CLIC2: variants seen among roughly 807,000 people sequenced by gnomAD.
CLIC2 encodes the protein CLIC family member 2.
In CLIC2, 9 loss-of-function variants were observed where a neutral mutation model predicts 14.8. The ratio of observed to expected loss-of-function variants is 0.61; its 90% CI spans 0.37 to 1.06. CLIC2 has a LOEUF of 1.06. Among genes scored for constraint, CLIC2 ranks in the 50% least tolerant of loss-of-function variants. The pLI is 0.01. For missense variants in CLIC2, 148 were observed against 181.4 expected (o/e 0.82, Z 1.06); for synonymous variants, 61 against 66.3 (o/e 0.92, Z 0.39).
At chrX:155,315,061 A>G (rs2075090139) in intron 1 of CLIC2, among the ~76,000 whole-genome samples, 1 of 111,843 alleles carries the variant, frequency 8.9e-6, no homozygotes. Context: ...AAAGAAAAAA[A>G]TAATTAAAAA....
chrX:155,314,661 C>G (rs2075088692), intron 1 of CLIC2, among the ~76,000 whole-genome samples: 1 of 111,653 alleles, frequency 9.0e-6, no homozygotes, highest in African/African-American at 3.3e-5. Flanking sequence ...TACAACAAAA[C>G]AAGGTAATTT....
At chrX:155,314,534 A>C (rs956427130) in intron 1 of CLIC2, among the ~76,000 whole-genome samples, 3 of 112,207 alleles carry the variant, frequency 2.7e-5, no homozygotes, top group African/African-American at 9.7e-5. Flanking sequence ...AGGAAGTGTG[A>C]GAACAACAAT....
chrX:155,314,397 C>T (rs996741769), intron 1 of CLIC2, among the ~76,000 whole-genome samples: 8 of 112,398 alleles, frequency 7.1e-5, no homozygotes, highest in Middle Eastern at 4.6e-3. Context: ...GAAGATGGGT[C>T]ATATCACAGG....
chrX:155,280,871 A>C (rs1181908677), intron 3 of CLIC2, among the ~76,000 whole-genome samples: 1 of 109,121 alleles, frequency 9.2e-6, no homozygotes, highest in Admixed American at 9.9e-5. Context: ...TTCAATAAAA[A>C]ATCAGCACCT....
intron 3 of CLIC2, among the ~76,000 whole-genome samples, chrX:155,291,799 TAA>T (rs1437086166): frequency 1.8e-5 from 2 of 112,323 alleles, no homozygotes; most frequent in Non-Finnish European, 3.8e-5. Context: ...GGCACAGATG[TAA>T]AAAGAGTGCT....
chrX:155,334,366 C>T lies in CLIC2; in HGVS notation c.57+5G>A, dbSNP rs2075166968. 1 of 1,199,223 alleles carries T rather than the reference C, an allele frequency of 8.3e-7. No homozygotes were observed. Among genetic ancestry groups the T allele is most frequent in the Non-Finnish European group, 1.1e-6 (1 of 885,457 alleles). On this transcript the variant is annotated splice_donor_5th_base_variant and intron_variant, in intron 1 of 5. Coordinates refer to ENST00000369449, the MANE Select transcript of CLIC2 (RefSeq NM_001289.6). ...ACATGCAGTTATTATAACTGGAAAA[C>T]TTACCTTTACAAAAAGCTCAATCTC...
At chrX:155,314,553 C>T (rs2075088165) in intron 1 of CLIC2, among the ~76,000 whole-genome samples, 1 of 111,880 alleles carries the variant, frequency 8.9e-6, no homozygotes, top group South Asian at 3.7e-4. Context: ...ATCAAGGGAC[C>T]ACCCCGTGGG....
intron 3 of CLIC2, among the ~76,000 whole-genome samples, chrX:155,295,287 T>C (rs2074988313): frequency 9.0e-6 from 1 of 111,597 alleles, no homozygotes; most frequent in Admixed American, 9.5e-5. Flanking sequence ...TCTCAATAGA[T>C]ACAGAAAAAG....
At chrX:155,308,109 C>T (rs193016553) in intron 1 of CLIC2, among the ~76,000 whole-genome samples, 3 of 109,531 alleles carry the variant, frequency 2.7e-5, no homozygotes, top group East Asian at 2.9e-4. Flanking sequence ...AACAGAGATA[C>T]GTGACATTTC....
intron 1 of CLIC2, among the ~76,000 whole-genome samples, chrX:155,324,370 C>A (rs1310199456): frequency 8.9e-6 from 1 of 111,781 alleles, no homozygotes; most frequent in East Asian, 2.8e-4. Flanking sequence ...AACTATACTA[C>A]AAGGCTACAG....
In CLIC2 at chrX:155,276,376, CATTT is replaced by C. The variant is rs1331050139; in HGVS notation, c.*1523_*1526del. ...AACATTTGTTATTTCTTTGTGGTGA[CATTT>C]AAAAACCTGCTTTTCTAGCTATCTT... On this transcript the variant is annotated 3_prime_UTR_variant, in exon 6 of 6. Transcript: ENST00000369449. 4.5e-5 allele frequency: 5 copies of C among 111,999 alleles called. No homozygotes were observed. The highest frequency in any genetic ancestry group is 9.4e-5 in the Non-Finnish European group (5 of 53,085). The allele number at this position is 111,999 out of a possible 1,213,427, so 9.2% of individuals were successfully genotyped here.
intron 3 of CLIC2, among the ~76,000 whole-genome samples, chrX:155,280,998 T>TATATATATATATATATATATAG (rs1363055833): frequency 9.6e-6 from 1 of 103,775 alleles, no homozygotes; most frequent in African/African-American, 3.5e-5. Flanking sequence ...GAGATATATA[T>TATATATATATATATATATATAG]ATATATATAT....
chrX:155,295,546 A>T (rs2074989185), intron 3 of CLIC2, among the ~76,000 whole-genome samples: 1 of 110,970 alleles, frequency 9.0e-6, no homozygotes, highest in Non-Finnish European at 1.9e-5. Context: ...AAGAAATAAA[A>T]GGCATCCAAA....
rs782239896 is a variant in CLIC2 at position 155,280,113 on chromosome X, C to T, written c.294-45G>A. ...CAACTATCATTTGCACATAACATGA[C>T]AGAGACCAGGTGCCCTAGCTTGCAC... On this transcript the variant is annotated intron_variant, in intron 3 of 5. Transcript: ENST00000369449. The T allele has an allele frequency of 3.3e-6, 3 of 911,530 alleles. No individual in the cohort carries two copies. In the African/African-American group the frequency reaches 5.8e-5, roughly 18 times the overall value. The allele number at this position is 911,530 out of a possible 1,213,427, so 75.1% of individuals were successfully genotyped here.
At chrX:155,284,008 G>A (rs2074930657) in intron 3 of CLIC2, among the ~76,000 whole-genome samples, 1 of 111,343 alleles carries the variant, frequency 9.0e-6, no homozygotes, top group Admixed American at 9.6e-5. Flanking sequence ...GGTTGGTTCT[G>A]TGTTGGGGCT....
At chrX:155,294,061 C>T (rs1179230663) in intron 3 of CLIC2, among the ~76,000 whole-genome samples, 2 of 111,829 alleles carry the variant, frequency 1.8e-5, no homozygotes, top group Non-Finnish European at 3.8e-5. Flanking sequence ...ACCAAATGAA[C>T]CAAACAGACA....
At chrX:155,313,571 G>T (rs782563221) in intron 1 of CLIC2, among the ~76,000 whole-genome samples, 72 of 112,359 alleles carry the variant, frequency 6.4e-4, no homozygotes, top group African/African-American at 2.3e-3. Context: ...GCAGATAGGA[G>T]GCAGCACTAG....
intron 1 of CLIC2, among the ~76,000 whole-genome samples, chrX:155,332,969 T>G (rs1188589744): frequency 1.8e-5 from 2 of 112,380 alleles, no homozygotes; most frequent in Non-Finnish European, 1.9e-5. Flanking sequence ...CTCATTTATA[T>G]CCTATCTGAG....
At chrX:155,302,377 G>A (rs1220280198) in intron 1 of CLIC2, among the ~76,000 whole-genome samples, 1 of 110,162 alleles carries the variant, frequency 9.1e-6, no homozygotes, top group Admixed American at 9.7e-5. Flanking sequence ...AGAGGTGTTT[G>A]TAGTATTCTC....
Sources: allele counts gnomAD v4.1 joint callset (sites outside exome capture counted in the v4.1 genomes callset), GRCh38; gene constraint gnomAD v4.1.1; transcripts MANE v1.5; gene names NCBI Gene and HGNC (gene_info 2026-07-23, HGNC 2026-07-21).